Variants in NRG1 observed in about 807,000 individuals in gnomAD.
NRG1 encodes pro-neuregulin-1, membrane-bound isoform.
Under a neutral mutation model 63.8 loss-of-function variants are expected in NRG1, and 18 were observed. The observed-to-expected ratio is 0.28, with a 90% CI of 0.19 to 0.42. The LOEUF (loss-of-function observed/expected upper bound fraction) is 0.42, where lower values mean the gene tolerates loss of function less well. Ranked by LOEUF, NRG1 falls within the 10% of genes least tolerant of loss-of-function variation. The probability of loss-of-function intolerance (pLI) is 1.00; values close to 1 mark genes in which losing one functional copy is unlikely to be tolerated. For missense variants in NRG1, 762 were observed against 814.7 expected (o/e 0.94, Z 0.79); for synonymous variants, 302 against 301.3 (o/e 1.00, Z -0.02).
rs539654302 is a variant in NRG1 at position 31,662,268 on chromosome 8, C to G, written c.37+22837C>G. 2.0e-5 allele frequency among the ~76,000 whole-genome samples: 3 copies of G among 152,252 alleles called. No homozygotes were observed. The South Asian group carries it at 6.2e-4, about 32-fold the overall frequency. ...CTGTAAGTAGCATTTGTGCACTTTT[C>G]TTCATACATTTTACATTAAGAAAAA... is the stretch of plus-strand genomic sequence containing the variant. On this transcript the variant is annotated intron_variant, in intron 1 of 10. Transcript: ENST00000519301.
chr8:32,106,200 G>A (rs1831235518), intron 1 of NRG1, among the ~76,000 whole-genome samples: 1 of 152,176 alleles, frequency 6.6e-6, no homozygotes, highest in Non-Finnish European at 1.5e-5. Flanking sequence ...TCATGGGAGA[G>A]ACACAATTTG....
At chr8:32,283,248 T>G (rs1269316038) in intron 1 of NRG1, among the ~76,000 whole-genome samples, 8 of 152,214 alleles carry the variant, frequency 5.3e-5, no homozygotes, top group Non-Finnish European at 1.2e-4. Flanking sequence ...GTTTAGGCTC[T>G]TTTTTTCTTT....
At chr8:31,969,487 T>C (rs1303797280) in intron 1 of NRG1, among the ~76,000 whole-genome samples, 1 of 152,148 alleles carries the variant, frequency 6.6e-6, no homozygotes, top group Non-Finnish European at 1.5e-5. Flanking sequence ...ATACTAATGA[T>C]CTCAGAAGGG....
chr8:31,887,968 A>G (rs931096336), intron 1 of NRG1, among the ~76,000 whole-genome samples: 1 of 151,630 alleles, frequency 6.6e-6, no homozygotes, highest in Non-Finnish European at 1.5e-5. Context: ...TATTACATAT[A>G]TAAATATTGA....
chr8:32,183,888 C>G (rs1383210911), intron 1 of NRG1, among the ~76,000 whole-genome samples: 1 of 152,174 alleles, frequency 6.6e-6, no homozygotes, highest in Non-Finnish European at 1.5e-5. Flanking sequence ...AGGAAGAAGC[C>G]TAACTCAGCC....
rs188320826 is a variant in NRG1 at position 31,723,222 on chromosome 8, G to A, written c.37+83791G>A. On this transcript the variant is annotated intron_variant, in intron 1 of 10. Coordinates refer to the NRG1 transcript ENST00000519301. ...ATTATTGGTTTAGAGTGGTGTTCTC[G>A]TTATTTTGGGTTTTGAAGGAGCACA... 1.5e-4 allele frequency among the ~76,000 whole-genome samples: 23 copies of A among 152,202 alleles called. No homozygotes were observed. The East Asian group carries it at 4.1e-3, about 27-fold the overall frequency.
rs141997317 is a variant in NRG1 at position 32,640,178 on chromosome 8, A to T, written c.502+23293A>T. On this transcript the variant is annotated intron_variant, in intron 5 of 11. Coordinates refer to ENST00000356819, the Ensembl canonical transcript of NRG1. ...GCTCCAGTAAATGTTAGAAATGACCATTCATCCACATAACCTCAGATTAGT... is the reference window on the plus strand; with the variant it reads ...GCTCCAGTAAATGTTAGAAATGACCTTTCATCCACATAACCTCAGATTAGT... 8.5e-5 allele frequency among the ~76,000 whole-genome samples: 13 copies of T among 152,216 alleles called. No individual in the cohort carries two copies. In the East Asian group the frequency reaches 2.5e-3, roughly 29 times the overall value.
At chr8:31,639,266 C>T (rs1345337521) in exon 1 of NRG1, 12 of 1,164,890 alleles carry the variant, frequency 1.0e-5, no homozygotes, top group Non-Finnish European at 1.5e-5. Context: ...GCAGCCCACT[C>T]GGACTGCAGC....
chr8:32,523,687 T>C (rs1198081924), intron 1 of NRG1, among the ~76,000 whole-genome samples: 1 of 151,070 alleles, frequency 6.6e-6, no homozygotes, highest in Admixed American at 6.6e-5. Flanking sequence ...CCGCCTCTAC[T>C]AAAAACACAA....
intron 1 of NRG1, among the ~76,000 whole-genome samples, chr8:32,561,092 A>G (rs1836306436): frequency 6.6e-6 from 1 of 152,206 alleles, no homozygotes; most frequent in African/African-American, 2.4e-5. Flanking sequence ...GAAAACCACA[A>G]GGTACAAACA....
intron 1 of NRG1, among the ~76,000 whole-genome samples, chr8:32,492,765 C>T (rs1259753747): frequency 6.6e-6 from 1 of 152,094 alleles, no homozygotes; most frequent in Non-Finnish European, 1.5e-5. Flanking sequence ...TTTGTACTCT[C>T]ACAGTCCTAG....
chr8:32,370,038 A>G (rs1808599728), intron 1 of NRG1, among the ~76,000 whole-genome samples: 1 of 152,184 alleles, frequency 6.6e-6, no homozygotes, highest in South Asian at 2.1e-4. Flanking sequence ...AGAAAAGAAA[A>G]AAAAGGGACA....
At chr8:31,833,421 C>T (rs1167824753) in intron 1 of NRG1, among the ~76,000 whole-genome samples, 1 of 152,252 alleles carries the variant, frequency 6.6e-6, no homozygotes, top group South Asian at 2.1e-4. Context: ...AGAGTTCTTA[C>T]CCCGGAGTGA....
At chr8:32,394,937 C>T (rs745439683) in intron 1 of NRG1, among the ~76,000 whole-genome samples, 5 of 152,120 alleles carry the variant, frequency 3.3e-5, no homozygotes, top group African/African-American at 4.8e-5. Context: ...GTCATGCTAA[C>T]AAAATGGTTT....
chr8:32,067,604 C>T (rs912842564), intron 1 of NRG1, among the ~76,000 whole-genome samples: 1 of 152,070 alleles, frequency 6.6e-6, no homozygotes, highest in African/African-American at 2.4e-5. Flanking sequence ...TATTTTATGG[C>T]CGTCAATTTT....
rs566844307 is a variant in NRG1, at chr8:31,874,250, A to G, written c.37+234819A>G. On this transcript the variant is annotated intron_variant, in intron 1 of 10. Transcript: ENST00000519301. ...ACTGGCATGATATTTGCTTAACAAA[A>G]GCATGCCATAAATAAGAGACTTAAT... is the stretch of plus-strand genomic sequence containing the variant. Among the ~76,000 whole-genome samples, 77 of 152,384 alleles carry G rather than the reference A, an allele frequency of 5.1e-4. 1 individual carries two copies. Among genetic ancestry groups the G allele is most frequent in the African/African-American group, 1.6e-3 (67 of 41,598 alleles).
chr8:32,540,536 C>G (rs992671117), intron 1 of NRG1, among the ~76,000 whole-genome samples: 1 of 152,174 alleles, frequency 6.6e-6, no homozygotes, highest in Admixed American at 6.5e-5. Flanking sequence ...AAAACCAGAA[C>G]TTGAAGACAC....
intron 1 of NRG1, among the ~76,000 whole-genome samples, chr8:32,562,635 G>A (rs1836657399): frequency 6.6e-6 from 1 of 152,086 alleles, no homozygotes; most frequent in Non-Finnish European, 1.5e-5. Flanking sequence ...ATGACGGCAT[G>A]GTTTCAGTGT....
chr8:31,678,920 A>G (rs1307266406), intron 1 of NRG1, among the ~76,000 whole-genome samples: 1 of 151,720 alleles, frequency 6.6e-6, no homozygotes, highest in African/African-American at 2.4e-5. Flanking sequence ...TTCACTGAAT[A>G]TATTCACTGA....
Sources: allele counts gnomAD v4.1 joint callset (sites outside exome capture counted in the v4.1 genomes callset), GRCh38; gene constraint gnomAD v4.1.1; transcripts MANE v1.5; gene names NCBI Gene and HGNC (gene_info 2026-07-23, HGNC 2026-07-21).